PLA2G4E: variants seen among roughly 807,000 people sequenced by gnomAD.
PLA2G4E encodes the protein phospholipase A2 group IVE.
PLA2G4E carries 84 observed loss-of-function variants against 109.1 expected under a neutral mutation model. That is an observed-to-expected ratio of 0.77 (90% confidence interval 0.65 to 0.92). The LOEUF (loss-of-function observed/expected upper bound fraction) is 0.92. Ranked by LOEUF, PLA2G4E falls within the 40% of genes least tolerant of loss-of-function variation. The pLI, the probability that PLA2G4E is intolerant of heterozygous loss-of-function variation, is 0.00. For missense variants in PLA2G4E, 1,057 were observed against 1,076.6 expected (o/e 0.98, Z 0.25); for synonymous variants, 469 against 436.1 (o/e 1.08, Z -0.94).
chr15:41,982,323 G>A (rs2068078443), exon 20 of PLA2G4E: 1 of 152,196 alleles, frequency 6.6e-6, no homozygotes, highest in African/African-American at 2.4e-5. Flanking sequence ...AGCCTGAAGG[G>A]AGACCTGCTG....
chr15:42,016,151 A>G (rs1213967234), intron 1 of PLA2G4E, among the ~76,000 whole-genome samples: 2 of 151,922 alleles, frequency 1.3e-5, no homozygotes, highest in African/African-American at 4.8e-5. Flanking sequence ...CTCTTTAAAT[A>G]CTATTGGGAT....
Position 42,002,287 on chromosome 15 carries a change from A to AAAAAC in PLA2G4E, c.609+366_609+367insGTTTT, listed in dbSNP as rs1555386330. Among the ~76,000 whole-genome samples the AAAAAC allele has an allele frequency of 1.1e-3, 151 of 140,854 alleles. 4 individuals carry two copies. The highest frequency in any genetic ancestry group is 2.8e-3 in the East Asian group (13 of 4,584). 92.4% of individuals were successfully genotyped at this position (140,854 alleles called of 152,430 possible). ...CTCAAAAAAAAAAAAAAAAAAAAAA[A>AAAAAC]GGTAAACTGTGCTTGTAGAATTACT... On this transcript the variant is annotated intron_variant, in intron 6 of 19. Coordinates refer to ENST00000399518, the Ensembl canonical transcript of PLA2G4E.
intron 1 of PLA2G4E, among the ~76,000 whole-genome samples, chr15:42,024,205 C>T (rs148064388): frequency 1.3e-5 from 2 of 152,286 alleles, no homozygotes; most frequent in East Asian, 3.9e-4. Flanking sequence ...GTCAGGCAAA[C>T]AGTGACATCC....
At chr15:41,988,797 G>T (rs1002570728) in intron 15 of PLA2G4E, among the ~76,000 whole-genome samples, 1 of 152,206 alleles carries the variant, frequency 6.6e-6, no homozygotes, top group African/African-American at 2.4e-5. Flanking sequence ...TGGGCTGGGG[G>T]CTTCTGGGGG....
chr15:42,020,228 C>T (rs1235760451), intron 1 of PLA2G4E, among the ~76,000 whole-genome samples: 5 of 152,220 alleles, frequency 3.3e-5, no homozygotes, highest in East Asian at 1.9e-4. Flanking sequence ...TAACTTGAGC[C>T]GGGGAGGTGG....
intron 1 of PLA2G4E, among the ~76,000 whole-genome samples, chr15:42,029,527 G>A (rs1889078339): frequency 6.6e-6 from 1 of 152,152 alleles, no homozygotes; most frequent in Admixed American, 6.5e-5. Flanking sequence ...CATACAGTGA[G>A]GTGCCAAAAG....
chr15:41,997,121 C>T lies in PLA2G4E; in HGVS notation c.1110+3G>A, dbSNP rs2068355221. 40 of 1,563,074 alleles carry T rather than the reference C, an allele frequency of 2.6e-5. No homozygotes were observed. Among genetic ancestry groups the T allele is most frequent in the Non-Finnish European group, 3.5e-5 (40 of 1,153,778 alleles). The stretch of plus-strand genomic sequence containing the variant: ...CAGGCTGGCCACATCCCTGATTACC[C>T]ACCTCGTCCTCCTGCAGGTCTTCCT... On this transcript the variant is annotated splice_donor_region_variant and intron_variant, in intron 11 of 19. Coordinates refer to ENST00000399518, the Ensembl canonical transcript of PLA2G4E.
intron 2 of PLA2G4E, chr15:42,010,253 G>A (rs1003967501): frequency 4.5e-6 from 2 of 440,198 alleles, no homozygotes; most frequent in East Asian, 6.7e-5. Flanking sequence ...CGCATGATTT[G>A]ATGGACCCTG....
At chr15:42,000,333 C>G (rs2141041991) in intron 7 of PLA2G4E, 51 bp from the exon 8 acceptor site, 5 of 1,498,712 alleles carry the variant, frequency 3.3e-6, no homozygotes, top group African/African-American at 2.8e-5. Flanking sequence ...CACTACCCAC[C>G]TGCAACTTGG....
intron 1 of PLA2G4E, among the ~76,000 whole-genome samples, chr15:42,023,491 T>A (rs1414903102): frequency 6.6e-6 from 1 of 151,924 alleles, no homozygotes; most frequent in African/African-American, 2.4e-5. Context: ...AAACAAGGGA[T>A]CAATTAGGAG....
At chr15:41,983,965 C>T (rs775913523) in exon 20 of PLA2G4E, 60 of 1,603,912 alleles carry the variant, frequency 3.7e-5, no homozygotes, top group Middle Eastern at 1.8e-4. Flanking sequence ...CTCAGGGCTT[C>T]GCTCTACACC....
chr15:41,996,038 G>T (rs974406563), intron 11 of PLA2G4E, among the ~76,000 whole-genome samples: 4 of 152,102 alleles, frequency 2.6e-5, no homozygotes, highest in Non-Finnish European at 5.9e-5. Context: ...GGTTTAAGAG[G>T]CCCCTGGAAT....
chr15:42,019,106 C>T (rs1426723644), intron 1 of PLA2G4E, among the ~76,000 whole-genome samples: 2 of 152,204 alleles, frequency 1.3e-5, no homozygotes, highest in Non-Finnish European at 2.9e-5. Context: ...CCAGGAGTGG[C>T]AGAGCCAGGA....
intron 7 of PLA2G4E, 40 bp downstream of exon 7, chr15:42,001,117 C>T: frequency 6.4e-7 from 1 of 1,568,842 alleles, no homozygotes; most frequent in South Asian, 1.1e-5. Context: ...AAGCAGCTCC[C>T]CCTTGTCCCC....
Position 41,984,388 on chromosome 15 carries a change from C to T in PLA2G4E, c.2386+48G>A, listed in dbSNP as rs75410210. ...GACTCTACAGATCTAAAGGCATTCC[C>T]GGGCCAAGGGCAGCAGGTGCTGGGA... On this transcript the variant is annotated intron_variant, in intron 19 of 19. Coordinates refer to ENST00000399518, the Ensembl canonical transcript of PLA2G4E. The T allele has an allele frequency of 5.3e-4, 821 of 1,550,722 alleles. 9 individuals are homozygous for T. In the African/African-American group the frequency reaches 7.1e-3, roughly 13 times the overall value.
chr15:42,028,441 C>T (rs1264606965), intron 1 of PLA2G4E, among the ~76,000 whole-genome samples: 1 of 152,028 alleles, frequency 6.6e-6, no homozygotes, highest in African/African-American at 2.4e-5. Flanking sequence ...GAGTCTCACT[C>T]TGTTGCCCAG....
chr15:42,023,877 G>T (rs1333149785), intron 1 of PLA2G4E, among the ~76,000 whole-genome samples: 1 of 152,198 alleles, frequency 6.6e-6, no homozygotes, highest in African/African-American at 2.4e-5. Flanking sequence ...ATAGGGGGCT[G>T]ATGGGAGCTT....
At chr15:42,001,105 G>A (rs1221945356) in intron 7 of PLA2G4E, 52 bp downstream of exon 7, 6 of 1,538,916 alleles carry the variant, frequency 3.9e-6, no homozygotes, top group African/African-American at 1.4e-5. Flanking sequence ...GATGGGATTT[G>A]GAAGCAGCTC....
chr15:41,992,773 G>A (rs765794887), exon 13 of PLA2G4E: 1 of 1,613,028 alleles, frequency 6.2e-7, no homozygotes, highest in South Asian at 1.1e-5. Context: ...GCAGGCCCCA[G>A]AAGTCTGTAA....
Sources: allele counts gnomAD v4.1 joint callset (sites outside exome capture counted in the v4.1 genomes callset), GRCh38; gene constraint gnomAD v4.1.1; transcripts MANE v1.5; gene names NCBI Gene and HGNC (gene_info 2026-07-23, HGNC 2026-07-21).